Variants in ARHGAP29 observed in about 807,000 individuals in gnomAD.
ARHGAP29 encodes the protein Rho GTPase activating protein 29.
Under a neutral mutation model 122.6 loss-of-function variants are expected in ARHGAP29, and 43 were observed. That is an observed-to-expected ratio of 0.35 (90% CI 0.27 to 0.45). ARHGAP29 has a LOEUF of 0.45. ARHGAP29 is among the 20% of genes least tolerant of loss of function. ARHGAP29 has a pLI of 1.00. For missense variants in ARHGAP29, 1,303 were observed against 1,477.2 expected (o/e 0.88, Z 1.93); for synonymous variants, 506 against 497.1 (o/e 1.02, Z -0.24).
At position 94,178,286 on chromosome 1, in the gene ARHGAP29, A is replaced by C. The variant is rs558512756; in HGVS notation, c.2481-119T>G. ...GAGCTGCACAAAAATACTAGGGGGA[A>C]AAAGTCTAGGAAAAGGTTATATTTA... On this transcript the variant is annotated intron_variant, in intron 20 of 22. Transcript: ENST00000260526. The C allele has an allele frequency of 3.3e-5, 30 of 914,150 alleles. 1 individual carries two copies. The South Asian group carries it at 5.0e-4, about 15-fold the overall frequency. The allele number at this position is 914,150 out of a possible 1,614,324, so 56.6% of individuals were successfully genotyped here.
At chr1:94,291,266 G>GTTGT in the ARHGAP29 span, among the ~76,000 whole-genome samples, 1 of 151,862 alleles carries the variant, frequency 6.6e-6, no homozygotes, top group South Asian at 2.1e-4. Context: ...TGTTTGTTTG[G>GTTGT]TTGTTTGTTT....
chr1:94,256,793 C>T (rs1389452077), intron 1 of ARHGAP29, among the ~76,000 whole-genome samples: 3 of 151,482 alleles, frequency 2.0e-5, no homozygotes, highest in East Asian at 2.0e-4. Context: ...CTCCTGACCT[C>T]GTGATCCGCC....
upstream of ARHGAP29, among the ~76,000 whole-genome samples, chr1:94,238,053 ATTTTTTTTTTT>A (rs71717670): frequency 2.1e-4 from 13 of 61,008 alleles, no homozygotes; most frequent in South Asian, 2.1e-3. Flanking sequence ...GCCTATCTGT[ATTTTTTTTTTT>A]TTTTTTTTTT....
chr1:94,290,181 T>C, the ARHGAP29 span, among the ~76,000 whole-genome samples: 4 of 152,220 alleles, frequency 2.6e-5, no homozygotes, highest in Non-Finnish European at 5.9e-5. Context: ...CTGTTATTGG[T>C]CTATTCAGGT....
At chr1:94,188,965 A>G in intron 14 of ARHGAP29, 24 bp from the exon 15 acceptor site, 1 of 1,600,734 alleles carries the variant, frequency 6.2e-7, no homozygotes, top group Non-Finnish European at 8.5e-7. Flanking sequence ...AATAAAGTCA[A>G]AACTTGGCTA....
intron 1 of ARHGAP29, among the ~76,000 whole-genome samples, chr1:94,255,046 G>T (rs1397937807): frequency 6.6e-6 from 1 of 152,184 alleles, no homozygotes; most frequent in Non-Finnish European, 1.5e-5. Context: ...ATGTGTTATA[G>T]GTTGAACTGT....
At chr1:94,182,100 T>A (rs568835809) in intron 19 of ARHGAP29, among the ~76,000 whole-genome samples, 1 of 150,708 alleles carries the variant, frequency 6.6e-6, no homozygotes, top group South Asian at 2.1e-4. Context: ...CAAGAATCCT[T>A]AAAAAAAAAT....
chr1:94,174,346 C>A lies in ARHGAP29; in HGVS notation c.3309G>T (p.Gln1103His), dbSNP rs1353483067. The change falls in exon 23 of 23, where the codon CAG becomes CAT. Residue 1103 changes from glutamine to histidine, a missense_variant. Gln to His is a conservative substitution (Grantham distance 24). This residue lies in a region of ARHGAP29 where 620 missense variants were observed against 651.2 expected (regional missense o/e 0.95). Transcript: ENST00000260526. ...GGAGGCTTGTTGTCACTCCTTTTTC[C>A]TGGAGTGCACTGGGCATGATCATTG... ...KTTMIMPSAL[Q>H]EKGVTTSLQI... 1 of 1,614,094 alleles carries A rather than the reference C, an allele frequency of 6.2e-7. No individual in the cohort carries two copies. The highest frequency in any genetic ancestry group is 8.5e-7 in the Non-Finnish European group (1 of 1,180,012).
intron 1 of ARHGAP29, among the ~76,000 whole-genome samples, chr1:94,251,203 C>T (rs1290480220): frequency 4.1e-5 from 6 of 144,662 alleles, no homozygotes; most frequent in African/African-American, 1.6e-4. Flanking sequence ...GGAAGTCTTG[C>T]TCTGTCACCC....
chr1:94,275,525 A>G (rs138014086), upstream of ARHGAP29, among the ~76,000 whole-genome samples: 119 of 152,296 alleles, frequency 7.8e-4, no homozygotes, highest in Non-Finnish European at 1.4e-3. Context: ...CAATTCAGGC[A>G]TGCTTTACAC....
chr1:94,308,294 G>A, the ARHGAP29 span, among the ~76,000 whole-genome samples: 21 of 152,238 alleles, frequency 1.4e-4, no homozygotes, highest in Admixed American at 9.8e-4. Flanking sequence ...CAGGAAAGAT[G>A]GTAGTAGTAA....
chr1:94,190,322 A>T (rs1306306070), intron 12 of ARHGAP29: 1 of 367,188 alleles, frequency 2.7e-6, no homozygotes, highest in Non-Finnish European at 4.8e-6. Context: ...TTAGCTGAAA[A>T]GTTCAAAAGT....
intron 11 of ARHGAP29, 190 bp from the exon 12 acceptor site, chr1:94,202,047 T>C (rs1455574103): frequency 3.7e-6 from 2 of 540,518 alleles, no homozygotes; most frequent in South Asian, 2.8e-5. Flanking sequence ...CCATGTACAA[T>C]TTATAATTAG....
At chr1:94,213,475 C>A (rs972650103) in intron 3 of ARHGAP29, among the ~76,000 whole-genome samples, 2 of 152,194 alleles carry the variant, frequency 1.3e-5, no homozygotes, top group East Asian at 3.9e-4. Flanking sequence ...AGCCACCGCA[C>A]CCGGCCTGGA....
upstream of ARHGAP29, among the ~76,000 whole-genome samples, chr1:94,275,466 A>G (rs1336268006): frequency 1.3e-5 from 2 of 152,210 alleles, no homozygotes; most frequent in African/African-American, 4.8e-5. Context: ...CCTCTTTGTT[A>G]GGTAACAGAA....
intron 17 of ARHGAP29, 52 bp from the exon 18 acceptor site, chr1:94,185,112 T>C (rs747704845): frequency 5.3e-6 from 8 of 1,501,628 alleles, no homozygotes; most frequent in South Asian, 2.6e-5. Flanking sequence ...TATTCACAAC[T>C]GGGCAAACTG....
Position 94,174,273 on chromosome 1 carries a change from A to G in ARHGAP29, c.3382T>C (p.Tyr1128His), listed in dbSNP as rs1295018801. 4 of 1,614,174 alleles carry G rather than the reference A, an allele frequency of 2.5e-6. No homozygotes were observed. The highest frequency in any genetic ancestry group is 1.6e-4 in the Middle Eastern group (1 of 6,062). The change falls in exon 23 of 23, where the codon TAT becomes CAT. Residue 1128 changes from tyrosine to histidine, a missense_variant. Physicochemically the swap from Tyr to His is moderately conservative, Grantham distance 83. Transcript: ENST00000260526. ...SINATQPSKP[Y>H]AEPVRSVREA... ...CTCACTGACCTGACTGGCTCTGCAT[A>G]TGGCTTACTGGGTTGAGTGGCATTG... is the stretch of plus-strand genomic sequence containing the variant.
chr1:94,270,728 G>T (rs1195050760), intron 1 of ARHGAP29, among the ~76,000 whole-genome samples: 1 of 152,166 alleles, frequency 6.6e-6, no homozygotes, highest in Non-Finnish European at 1.5e-5. Flanking sequence ...CTTGGCATGT[G>T]GGAGCAAGTA....
chr1:94,307,990 C>G, the ARHGAP29 span, among the ~76,000 whole-genome samples: 1 of 152,120 alleles, frequency 6.6e-6, no homozygotes, highest in African/African-American at 2.4e-5. Flanking sequence ...TTGCCTAGTA[C>G]CCAAGGATTA....
Sources: allele counts gnomAD v4.1 joint callset (sites outside exome capture counted in the v4.1 genomes callset), GRCh38; gene constraint gnomAD v4.1.1; regional missense constraint gnomAD v4.1.1; transcripts MANE v1.5; gene names NCBI Gene and HGNC (gene_info 2026-07-23, HGNC 2026-07-21).